ST6GALNAC3: variants seen among roughly 807,000 people sequenced by gnomAD.
ST6GALNAC3 encodes ST6 N-acetylgalactosaminide alpha-2,6-sialyltransferase 3.
A neutral mutation model predicts 32.7 loss-of-function variants in ST6GALNAC3; 25 were observed. That is an observed-to-expected ratio of 0.76 (90% confidence interval 0.56 to 1.07). The LOEUF is 1.07. Ranked by LOEUF, ST6GALNAC3 falls within the 50% of genes least tolerant of loss-of-function variation. ST6GALNAC3 has a pLI of 0.00. For synonymous variants in ST6GALNAC3, 129 were observed against 133.1 expected, an observed-to-expected ratio of 0.97 and a Z score of 0.21; for missense variants, 355 against 382.4, an observed-to-expected ratio of 0.93 and a Z score of 0.60.
intron 2 of ST6GALNAC3, among the ~76,000 whole-genome samples, chr1:76,374,690 G>C (rs768571787): frequency 1.3e-5 from 2 of 152,154 alleles, no homozygotes; most frequent in Non-Finnish European, 2.9e-5. Flanking sequence ...CTTGGGGACA[G>C]TTTTGAAACA....
intron 3 of ST6GALNAC3, among the ~76,000 whole-genome samples, chr1:76,467,083 TATG>T (rs1658684693): frequency 6.6e-6 from 1 of 152,054 alleles, no homozygotes; most frequent in Non-Finnish European, 1.5e-5. Context: ...TTGGCATTTA[TATG>T]ATCTAATTTA....
intron 3 of ST6GALNAC3, among the ~76,000 whole-genome samples, chr1:76,617,692 T>C (rs2100691622): frequency 6.6e-6 from 1 of 152,314 alleles, no homozygotes; most frequent in East Asian, 1.9e-4. Flanking sequence ...GAGTATTTAA[T>C]AGACTCAATT....
intron 3 of ST6GALNAC3, among the ~76,000 whole-genome samples, chr1:76,507,273 C>A (rs1195080636): frequency 2.0e-5 from 3 of 152,098 alleles, no homozygotes; most frequent in Non-Finnish European, 4.4e-5. Context: ...TAAAATAAAA[C>A]AGCTTTATTA....
At chr1:76,323,012 T>C (rs1027649731) in intron 2 of ST6GALNAC3, among the ~76,000 whole-genome samples, 7 of 152,274 alleles carry the variant, frequency 4.6e-5, no homozygotes, top group African/African-American at 1.7e-4. Context: ...AAAAATTTTG[T>C]ATTTTGTAAA....
At chr1:76,636,894 G>C (rs1649518197), downstream of ST6GALNAC3, 1 of 152,162 alleles carries the variant, frequency 6.6e-6, no homozygotes, top group African/African-American at 2.4e-5. Context: ...TCAGAATAAT[G>C]TGAAATTTCT....
chr1:76,519,014 C>A (rs1662347499), intron 3 of ST6GALNAC3, among the ~76,000 whole-genome samples: 1 of 152,040 alleles, frequency 6.6e-6, no homozygotes, highest in Non-Finnish European at 1.5e-5. Context: ...TGCAGTGAGC[C>A]AAGATCGTGC....
At chr1:76,473,628 T>C (rs1200057921) in intron 3 of ST6GALNAC3, among the ~76,000 whole-genome samples, 3 of 152,180 alleles carry the variant, frequency 2.0e-5, no homozygotes, top group Admixed American at 1.3e-4. Flanking sequence ...GATGGGAAAG[T>C]CACATTTTAT....
chr1:76,324,598 G>A (rs1647032009), intron 2 of ST6GALNAC3, among the ~76,000 whole-genome samples: 2 of 152,124 alleles, frequency 1.3e-5, no homozygotes, highest in African/African-American at 4.8e-5. Flanking sequence ...AACTGTTCAG[G>A]TTATCAAAAA....
chr1:76,494,468 T>TATATATATATACAC lies in ST6GALNAC3; in HGVS notation c.623+82052_623+82053insTATATATATACACA, dbSNP rs1472545640. On this transcript the variant is annotated intron_variant, in intron 3 of 4. Transcript: ENST00000328299. ...ATATATATATATATATATATATATA[T>TATATATATATACAC]ACACACACACACACACACTTTCCCT... Among the ~76,000 whole-genome samples, 63 of 59,536 alleles carry TATATATATATACAC rather than the reference T, an allele frequency of 1.1e-3. 4 individuals carry two copies. The highest frequency in any genetic ancestry group is 1.4e-3 in the South Asian group (2 of 1,394). The allele number at this position is 59,536 out of a possible 152,430, so 39.1% of individuals were successfully genotyped here.
chr1:76,203,397 AGTCTGCG>A (rs1167964961), intron 1 of ST6GALNAC3, among the ~76,000 whole-genome samples: 2 of 152,214 alleles, frequency 1.3e-5, no homozygotes, highest in African/African-American at 4.8e-5. Context: ...TCTGGGCATT[AGTCTGCG>A]GTTGGTAAGT....
chr1:76,343,106 T>G (rs1391030306), intron 2 of ST6GALNAC3, among the ~76,000 whole-genome samples: 2 of 152,232 alleles, frequency 1.3e-5, no homozygotes, highest in Non-Finnish European at 2.9e-5. Context: ...TTTTTAATTT[T>G]GTTGCATTTG....
chr1:76,230,982 G>A (rs1377398033), intron 1 of ST6GALNAC3, among the ~76,000 whole-genome samples: 1 of 152,186 alleles, frequency 6.6e-6, no homozygotes, highest in Non-Finnish European at 1.5e-5. Context: ...ACCTCCTTCT[G>A]TGAGGGAAGT....
At position 76,338,630 on chromosome 1, in the gene ST6GALNAC3, T is replaced by C. The variant is rs115760063; in HGVS notation, c.213+24631T>C. Among the ~76,000 whole-genome samples, 1,243 of 152,254 alleles carry C rather than the reference T, an allele frequency of 8.2e-3. 12 individuals are homozygous for C. Among genetic ancestry groups the C allele is most frequent in the African/African-American group, 0.028 (1,183 of 41,552 alleles). Reference sequence around the variant, plus strand: ...GTTTATCATAGCTGGGCAGGGAAGATGGGCAACAAGAGAGTAGAGGCCAAG... The same window carrying C: ...GTTTATCATAGCTGGGCAGGGAAGACGGGCAACAAGAGAGTAGAGGCCAAG... On this transcript the variant is annotated intron_variant, in intron 2 of 4. Coordinates refer to ENST00000328299, the MANE Select transcript of ST6GALNAC3 (RefSeq NM_152996.4).
chr1:76,255,495 A>C (rs1657869947), intron 1 of ST6GALNAC3, among the ~76,000 whole-genome samples: 1 of 152,116 alleles, frequency 6.6e-6, no homozygotes, highest in Non-Finnish European at 1.5e-5. Flanking sequence ...GAGATTGAGA[A>C]TAAAGTCTTG....
At chr1:76,477,520 G>T (rs527717255) in intron 3 of ST6GALNAC3, among the ~76,000 whole-genome samples, 1 of 152,256 alleles carries the variant, frequency 6.6e-6, no homozygotes, top group East Asian at 1.9e-4. Flanking sequence ...CTGCACTGGG[G>T]CCTGACTTCT....
At chr1:76,437,317 C>A (rs1656208619) in intron 3 of ST6GALNAC3, among the ~76,000 whole-genome samples, 2 of 152,076 alleles carry the variant, frequency 1.3e-5, no homozygotes, top group Non-Finnish European at 2.9e-5. Flanking sequence ...GATATTTATT[C>A]ATAGCCCTCC....
chr1:76,148,175 C>T (rs1027027910), intron 1 of ST6GALNAC3, among the ~76,000 whole-genome samples: 13 of 152,184 alleles, frequency 8.5e-5, no homozygotes, highest in East Asian at 3.9e-4. Context: ...GACTGCTTGA[C>T]GCATCTGTTT....
chr1:76,624,804 G>A (rs1648862210), intron 3 of ST6GALNAC3, among the ~76,000 whole-genome samples: 2 of 151,852 alleles, frequency 1.3e-5, no homozygotes, highest in Non-Finnish European at 2.9e-5. Flanking sequence ...CACTACCATT[G>A]CAAGGTAAAA....
chr1:76,425,821 CA>C (rs1557876339), intron 3 of ST6GALNAC3, among the ~76,000 whole-genome samples: 1 of 151,814 alleles, frequency 6.6e-6, no homozygotes, highest in Non-Finnish European at 1.5e-5. Context: ...TGCCAAAATC[CA>C]GGCTTTACCT....
Sources: gnomAD v4.1 joint callset for allele counts (sites outside exome capture counted in the v4.1 genomes callset) on GRCh38, gnomAD v4.1.1 for gene constraint, MANE v1.5 for transcripts, NCBI Gene and HGNC (gene_info 2026-07-23, HGNC 2026-07-21) for gene names.